The following GOLGB1 variants were observed in gnomAD, a reference collection of about 807,000 sequenced individuals.
The protein encoded by GOLGB1 is golgin subfamily B member 1.
GOLGB1 carries 174 observed loss-of-function variants against 336.9 expected under a neutral mutation model. That is an observed-to-expected ratio of 0.52 (90% CI 0.46 to 0.59). The LOEUF is 0.59. GOLGB1 is among the 20% of genes least tolerant of loss of function. The pLI, the probability that GOLGB1 is intolerant of heterozygous loss-of-function variation, is 0.00. For missense variants in GOLGB1, 3,331 were observed against 3,645.3 expected, an observed-to-expected ratio of 0.91 and a Z score of 2.22; for synonymous variants, 1,208 against 1,289.2, an observed-to-expected ratio of 0.94 and a Z score of 1.35.
intron 8 of GOLGB1, among the ~76,000 whole-genome samples, chr3:121,717,528 T>C (rs184194431): frequency 6.6e-6 from 1 of 152,156 alleles, no homozygotes; most frequent in Non-Finnish European, 1.5e-5. Flanking sequence ...AGAAGCAAAG[T>C]GGAATTCAAT....
At chr3:121,688,320 C>T (rs964956143) in intron 14 of GOLGB1, among the ~76,000 whole-genome samples, 3 of 152,182 alleles carry the variant, frequency 2.0e-5, no homozygotes, top group African/African-American at 4.8e-5. Context: ...CGAGTGCCTG[C>T]GATTGCAGGC....
At chr3:121,710,101 T>G (rs996623424) in intron 10 of GOLGB1, among the ~76,000 whole-genome samples, 42 of 121,448 alleles carry the variant, frequency 3.5e-4, no homozygotes, top group Middle Eastern at 4.6e-3. Context: ...TGGCACCGGG[T>G]GGAAAAAAAA....
chr3:121,684,708 T>C (rs1458192633), intron 14 of GOLGB1, among the ~76,000 whole-genome samples: 1 of 152,084 alleles, frequency 6.6e-6, no homozygotes, highest in Non-Finnish European at 1.5e-5. Context: ...AAACTATCAA[T>C]CAGATAAGAG....
At chr3:121,701,792 C>T (rs924069445) in intron 11 of GOLGB1, among the ~76,000 whole-genome samples, 1 of 152,022 alleles carries the variant, frequency 6.6e-6, no homozygotes, top group South Asian at 2.1e-4. Flanking sequence ...ATGGCCCCTG[C>T]CCTTGAAGAG....
rs991984235 is a variant in GOLGB1, at chr3:121,670,764, G to T, written c.9178-1409C>A. On this transcript the variant is annotated intron_variant, in intron 17 of 21. Transcript: ENST00000614479. ...TCATAGGGTTTTCTTTTGGGGGGGG[G>T]GGTGTGGGAGGAGGTGGGAATAGTT... Among the ~76,000 whole-genome samples the T allele has an allele frequency of 1.5e-4, 23 of 148,582 alleles. 1 individual carries two copies. In the South Asian group the frequency reaches 2.2e-3, roughly 14 times the overall value.
chr3:121,727,018 T>C lies in GOLGB1; in HGVS notation c.426A>G (p.Glu142=). ...GTTTTATCTTTTCTATTTCCATCTC[T>C]TCCTCTGTAGAACTCTTGTCATGCT... ...LSKHDKSSTE[E]EMEIEKIKHK... is the part of the protein sequence containing the mutation. Residue 142 remains glutamate (E), a synonymous_variant, in exon 5 of 22, where the codon GAA becomes GAG. Coordinates refer to ENST00000614479, the MANE Select transcript of GOLGB1 (RefSeq NM_001366282.2). 6.3e-7 allele frequency: 1 copy of C among 1,591,370 alleles called. No homozygotes were observed.
intron 17 of GOLGB1, among the ~76,000 whole-genome samples, chr3:121,673,917 C>T (rs960469686): frequency 7.2e-5 from 11 of 152,038 alleles, no homozygotes; most frequent in East Asian, 3.9e-4. Context: ...GAAGGGATTT[C>T]GCCATGTTGG....
intron 5 of GOLGB1, among the ~76,000 whole-genome samples, chr3:121,725,046 A>G (rs538438386): frequency 9.6e-4 from 146 of 152,290 alleles, no homozygotes; most frequent in African/African-American, 3.4e-3. Flanking sequence ...GAAGGATGTC[A>G]TCAATAGCCA....
At chr3:121,747,187 T>TATATATGG (rs1212259229) in intron 1 of GOLGB1, among the ~76,000 whole-genome samples, 2 of 122,662 alleles carry the variant, frequency 1.6e-5, no homozygotes, top group East Asian at 4.9e-4. Context: ...TATATATATA[T>TATATATGG]ATATATGGAT....
intron 5 of GOLGB1, among the ~76,000 whole-genome samples, chr3:121,724,712 T>C (rs1431336116): frequency 2.6e-5 from 4 of 152,064 alleles, no homozygotes; most frequent in Non-Finnish European, 5.9e-5. Context: ...GTTAAGACAA[T>C]GGGAAAAAGC....
Position 121,691,077 on chromosome 3 carries a change from T to C in GOLGB1, c.8287A>G (p.Lys2763Glu). 6.2e-7 allele frequency: 1 copy of C among 1,614,122 alleles called. No individual in the cohort carries two copies. Among genetic ancestry groups the C allele is most frequent in the Non-Finnish European group, 8.5e-7 (1 of 1,180,036 alleles). Residue 2763 changes from lysine to glutamate, a missense_variant, in exon 14 of 22, where the codon AAA (lysine) becomes GAA (glutamate). By Grantham distance (56) the Lys-to-Glu change is moderately conservative (BLOSUM62 1). Coordinates refer to ENST00000614479, the MANE Select transcript of GOLGB1 (RefSeq NM_001366282.2). The stretch of plus-strand genomic sequence containing the variant: ...TTCAGACTGGCATCATATTTCCTTT[T>C]CAGTTCATCAAGTTCCTCATTGGCA... ...DHANEELDELKRKYDASLKEL... is the reference protein window; with the variant it reads ...DHANEELDELERKYDASLKEL...
At chr3:121,665,934 A>G (rs1490119178) in intron 20 of GOLGB1, among the ~76,000 whole-genome samples, 1 of 152,224 alleles carries the variant, frequency 6.6e-6, no homozygotes, top group African/African-American at 2.4e-5. Flanking sequence ...TGCACAGCCT[A>G]GCTCCTTCTT....
chr3:121,730,800 T>C, intron 2 of GOLGB1, 76 bp downstream of exon 2: 1 of 1,462,794 alleles, frequency 6.8e-7, no homozygotes, highest in South Asian at 1.4e-5. Flanking sequence ...CGCACACCCT[T>C]CTATCTTAAA....
chr3:121,716,982 T>C lies in GOLGB1; in HGVS notation c.1043A>G (p.His348Arg), dbSNP rs777196584. The change falls in exon 9 of 22, where the codon CAT becomes CGT. Residue 348 changes from histidine (H) to arginine (R), a missense_variant. Transcript: ENST00000614479. Reference sequence around the variant, plus strand: ...TTGCTCAAACTGTTCTAAAAGATGATGCATTTCTTCCTGCAGATTATGGAA... The same window carrying C: ...TTGCTCAAACTGTTCTAAAAGATGACGCATTTCTTCCTGCAGATTATGGAA... ...LSFHNLQEEMHHLLEQFEQAG... is the reference protein window; with the variant it reads ...LSFHNLQEEMRHLLEQFEQAG... 9.3e-6 allele frequency: 15 copies of C among 1,614,136 alleles called. No homozygotes were observed. Among genetic ancestry groups the C allele is most frequent in the South Asian group, 1.1e-5 (1 of 91,074 alleles).
chr3:121,729,267 T>C lies in GOLGB1; in HGVS notation c.323A>G (p.Asn108Ser). Residue 108 changes from asparagine (N) to serine (S), a missense_variant, in exon 4 of 22, where the codon AAT becomes AGT. By Grantham distance (46) the Asn-to-Ser change is conservative. Coordinates refer to ENST00000614479, the MANE Select transcript of GOLGB1 (RefSeq NM_001366282.2). ...LHAKAKLTSL[N>S]KYIEEMKAQG... ...TGCTTTCATTTCTTCTATGTATTTATTCAAAGAAGTTAATTTGGCCTTCGC... is the reference window on the plus strand; with the variant it reads ...TGCTTTCATTTCTTCTATGTATTTACTCAAAGAAGTTAATTTGGCCTTCGC... 1 of 1,612,894 alleles carries C rather than the reference T, an allele frequency of 6.2e-7. No individual in the cohort carries two copies. Among genetic ancestry groups the C allele is most frequent in the Non-Finnish European group, 8.5e-7 (1 of 1,178,938 alleles).
intron 4 of GOLGB1, 128 bp downstream of exon 4, chr3:121,729,060 A>G: frequency 3.2e-6 from 2 of 630,716 alleles, no homozygotes; most frequent in Non-Finnish European, 2.6e-6. Context: ...TCTATAAGAA[A>G]AAAAAAAACA....
intron 1 of GOLGB1, among the ~76,000 whole-genome samples, chr3:121,747,248 T>A (rs1947375276): frequency 7.5e-6 from 1 of 133,532 alleles, no homozygotes; most frequent in Non-Finnish European, 1.6e-5. Context: ...AAAACAAAAA[T>A]CCATGTGTGT....
chr3:121,681,704 A>T lies in GOLGB1; in HGVS notation c.8856T>A (p.His2952Gln). 2 of 1,606,210 alleles carry T rather than the reference A, an allele frequency of 1.2e-6. No homozygotes were observed. The highest frequency in any genetic ancestry group is 2.2e-5 in the South Asian group (2 of 90,146). ...ELRQENLSWQ[H>Q]ELHQLRMEKS... ...TATAGTACCTGAGCTGATGCAGCTC[A>T]TGCTGCCAGGAGAGGTTTTCCTGCC... is the stretch of plus-strand genomic sequence containing the variant. The change falls in exon 15 of 22, where the codon CAT (histidine) becomes CAA (glutamine). Residue 2952 changes from histidine to glutamine, a missense_variant. His to Gln is a conservative substitution (Grantham distance 24). Coordinates refer to ENST00000614479, the MANE Select transcript of GOLGB1 (RefSeq NM_001366282.2).
chr3:121,683,765 A>C (rs892763507), intron 14 of GOLGB1, among the ~76,000 whole-genome samples: 2 of 152,212 alleles, frequency 1.3e-5, no homozygotes, highest in East Asian at 1.9e-4. Flanking sequence ...ATAAATTAAA[A>C]ATTATAAAGA....
Sources: allele counts gnomAD v4.1 joint callset (sites outside exome capture counted in the v4.1 genomes callset), GRCh38; gene constraint gnomAD v4.1.1; transcripts MANE v1.5; gene names NCBI Gene and HGNC (gene_info 2026-07-23, HGNC 2026-07-21).